KIF19: variants seen among roughly 807,000 people sequenced by gnomAD.
KIF19 encodes kinesin-like protein KIF19.
KIF19 carries 98 observed loss-of-function variants against 106.6 expected under a neutral mutation model. That is an observed-to-expected ratio of 0.92 (90% confidence interval 0.78 to 1.09). The LOEUF (loss-of-function observed/expected upper bound fraction) is 1.09. Ranked by LOEUF, KIF19 falls within the 50% of genes least tolerant of loss-of-function variation. The pLI is 0.00. For missense variants in KIF19, 1,373 were observed against 1,414.3 expected (o/e 0.97, Z 0.47); for synonymous variants, 516 against 584.2 (o/e 0.88, Z 1.68).
intron 4 of KIF19, 124 bp downstream of exon 4, chr17:74,342,841 G>A (rs1173743022): frequency 8.4e-7 from 1 of 1,194,738 alleles, no homozygotes. Flanking sequence ...ATCTCACCCA[G>A]GGCCCTCCAG....
intron 1 of KIF19, among the ~76,000 whole-genome samples, chr17:74,327,147 G>A (rs914883176): frequency 6.6e-6 from 1 of 152,170 alleles, no homozygotes; most frequent in Admixed American, 6.5e-5. Flanking sequence ...TAATTTTTGA[G>A]GTCTGGGGAA....
At chr17:74,342,994 C>A in intron 4 of KIF19, 30 bp from the exon 5 acceptor site, 2 of 1,572,894 alleles carry the variant, frequency 1.3e-6, no homozygotes, top group South Asian at 2.3e-5. Context: ...CAGCCCCACC[C>A]CGGTCACCCT....
Position 74,328,365 on chromosome 17 carries a change from T to C in KIF19, c.40-60T>C, listed in dbSNP as rs2053971305. ...AGAAGCCAGGGGCTTGCTTGAGGTC[T>C]CTCTGAGGCCCAGCATGGTCCTCTC... On this transcript the variant is annotated intron_variant, in intron 1 of 19. Transcript: ENST00000389916. 6.7e-6 allele frequency: 10 copies of C among 1,496,172 alleles called. No individual in the cohort carries two copies. In the East Asian group the frequency reaches 2.4e-4, roughly 36 times the overall value. 92.7% of individuals were successfully genotyped at this position (1,496,172 alleles called of 1,614,324 possible). A position where few individuals can be genotyped will look rare whatever the true frequency, so the allele number is the denominator to read the frequency against.
intron 7 of KIF19, among the ~76,000 whole-genome samples, chr17:74,345,448 G>T (rs549866658): frequency 6.6e-6 from 1 of 152,094 alleles, no homozygotes; most frequent in African/African-American, 2.4e-5. Flanking sequence ...GAAGGTCCCC[G>T]TCACCCATTT....
In KIF19 at chr17:74,354,781, G is replaced by A; in HGVS notation, c.2707-1G>A. ...CTCACCCCACTGTTCAACCATCACAGCTCTCCCACCCCAAGACACACCTCC... is the reference window on the plus strand; with the variant it reads ...CTCACCCCACTGTTCAACCATCACAACTCTCCCACCCCAAGACACACCTCC... On this transcript the variant is annotated splice_acceptor_variant, in intron 18 of 19. Coordinates refer to ENST00000389916, the MANE Select transcript of KIF19 (RefSeq NM_153209.4). LOFTEE classifies it high-confidence loss of function. 1 of 1,554,944 alleles carries A rather than the reference G, an allele frequency of 6.4e-7. No individual in the cohort carries two copies. The highest frequency in any genetic ancestry group is 2.4e-5 in the East Asian group (1 of 41,056).
rs2144253574 is a variant in KIF19 at position 74,343,054 on chromosome 17, C to T, written c.350C>T (p.Thr117Ile). The stretch of plus-strand genomic sequence containing the variant: ...GGGAAAACCTACACCATGCTGGGCA[C>T]AGACCAGGAGCCTGGCATCTATGTT... ...GCGKTYTMLG[T>I]DQEPGIYVQT... Residue 117 changes from threonine (T) to isoleucine (I), a missense_variant, in exon 5 of 20, where the codon ACA becomes ATA. This residue lies in a region of KIF19 where 348 missense variants were observed against 389.5 expected (regional missense o/e 0.89). Coordinates refer to ENST00000389916, the MANE Select transcript of KIF19 (RefSeq NM_153209.4). 2 of 1,612,066 alleles carry T rather than the reference C, an allele frequency of 1.2e-6. No individual in the cohort carries two copies. The highest frequency in any genetic ancestry group is 1.7e-6 in the Non-Finnish European group (2 of 1,179,444).
intron 6 of KIF19, 85 bp downstream of exon 6, chr17:74,344,433 G>A: frequency 6.5e-7 from 1 of 1,539,398 alleles, no homozygotes; most frequent in Non-Finnish European, 8.7e-7. Flanking sequence ...AAGCCAGGGA[G>A]CTGCTCCCCA....
chr17:74,331,026 TAACA>T lies in KIF19; in HGVS notation c.120+2526_120+2529del, dbSNP rs568080933. ...AACTGCCAGGCTGGGACCCTTCTAG[TAACA>T]AACACTGTCCCTCTGACAAATAAAT... On this transcript the variant is annotated intron_variant, in intron 2 of 19. Transcript: ENST00000389916. This position sits in a 1 kb window ranked among gnomAD's most constrained non-coding sequence, Gnocchi z 4.1. Among the ~76,000 whole-genome samples the T allele has an allele frequency of 7.2e-5, 11 of 152,216 alleles. No homozygotes were observed. In the South Asian group the frequency reaches 2.3e-3, roughly 32 times the overall value.
chr17:74,328,586 C>A, intron 2 of KIF19, 81 bp downstream of exon 2: 1 of 1,212,878 alleles, frequency 8.2e-7, no homozygotes, highest in Non-Finnish European at 1.2e-6. Context: ...GCAGAAAGGG[C>A]CCCTGTGGCT....
chr17:74,353,899 A>T (rs761515368), intron 17 of KIF19, among the ~76,000 whole-genome samples: 1 of 152,194 alleles, frequency 6.6e-6, no homozygotes, highest in South Asian at 2.1e-4. Context: ...TATCGATTCA[A>T]TGTCTGCCCC....
At chr17:74,354,687 GTC>G (rs2054826305) in intron 18 of KIF19, 93 bp from the exon 19 acceptor site, 1 of 1,522,306 alleles carries the variant, frequency 6.6e-7, no homozygotes, top group African/African-American at 1.4e-5. Context: ...ACCCTCCACA[GTC>G]TCTGTCCCCA....
chr17:74,344,172 C>T (rs2054461142), intron 5 of KIF19, 51 bp from the exon 6 acceptor site: 2 of 1,571,028 alleles, frequency 1.3e-6, no homozygotes, highest in South Asian at 1.2e-5. Flanking sequence ...TGGCCTTGAC[C>T]TCCTGCCCTT....
intron 2 of KIF19, among the ~76,000 whole-genome samples, chr17:74,336,636 C>G (rs563517555): frequency 1.3e-4 from 20 of 152,310 alleles, no homozygotes; most frequent in African/African-American, 4.8e-4. Flanking sequence ...GGGTACTCCC[C>G]CCAGCCAGGC....
intron 7 of KIF19, among the ~76,000 whole-genome samples, chr17:74,345,165 C>T (rs184174307): frequency 1.3e-5 from 2 of 151,810 alleles, no homozygotes; most frequent in African/African-American, 2.4e-5. Flanking sequence ...TGGAGACCCC[C>T]GGGTTAAGGA....
Position 74,346,243 on chromosome 17 carries a change from G to T in KIF19, c.778-135G>T. 1 of 964,342 alleles carries T rather than the reference G, an allele frequency of 1.0e-6. No homozygotes were observed. The highest frequency in any genetic ancestry group is 1.5e-6 in the Non-Finnish European group (1 of 657,736). 59.7% of individuals were successfully genotyped at this position (964,342 alleles called of 1,614,324 possible). A position where few individuals can be genotyped will look rare whatever the true frequency, so the allele number is the denominator to read the frequency against. On this transcript the variant is annotated intron_variant, in intron 7 of 19. Coordinates refer to ENST00000389916, the MANE Select transcript of KIF19 (RefSeq NM_153209.4). This position sits in a 1 kb window ranked among gnomAD's most constrained non-coding sequence, Gnocchi z 4.6. The stretch of plus-strand genomic sequence containing the variant: ...CTTCTCCAATGCCCTCAGTGGCCTT[G>T]GCAGGAGGACGGCCACAAGGTCCTT...
Position 74,355,210 on chromosome 17 carries a change from T to C in KIF19, c.2895T>C (p.Val965=). The change falls in exon 20 of 20, where the codon GTT becomes GTC. Residue 965 remains valine, a synonymous_variant. Coordinates refer to ENST00000389916, the MANE Select transcript of KIF19 (RefSeq NM_153209.4). ...CGGGGGACTCCTCACCCCTGGCTGTTCCCCCCAACCCAGGTGGTGGTTCTC... is the reference window on the plus strand; with the variant it reads ...CGGGGGACTCCTCACCCCTGGCTGTCCCCCCCAACCCAGGTGGTGGTTCTC... ...TGPGDSSPLA[V]PPNPGGGSRR... 6.2e-7 allele frequency: 1 copy of C among 1,610,416 alleles called. No individual in the cohort carries two copies. Among genetic ancestry groups the C allele is most frequent in the Non-Finnish European group, 8.5e-7 (1 of 1,178,260 alleles).
rs998843073 is a variant in KIF19 at position 74,326,242 on chromosome 17, C to A, written c.-108C>A. ...GTTGGTTTCGGGTTGTCAGGCAGCG[C>A]GCGAGGCGGCGGGCAGCTAGCAGCT... is the stretch of plus-strand genomic sequence containing the variant. On this transcript the variant is annotated 5_prime_UTR_variant, in exon 1 of 20. Transcript: ENST00000389916. The A allele has an allele frequency of 2.2e-4, 229 of 1,036,452 alleles. 1 individual carries two copies. The highest frequency in any genetic ancestry group is 2.1e-3 in the Middle Eastern group (9 of 4,342). 64.2% of individuals were successfully genotyped at this position (1,036,452 alleles called of 1,614,324 possible). A position where few individuals can be genotyped will look rare whatever the true frequency, so the allele number is the denominator to read the frequency against.
At chr17:74,349,101 G>T in intron 9 of KIF19, 83 bp from the exon 10 acceptor site, 1 of 1,442,700 alleles carries the variant, frequency 6.9e-7, no homozygotes, top group East Asian at 2.3e-5. Flanking sequence ...GGGAGGCAGG[G>T]GGAAGAAAGG....
Position 74,343,041 on chromosome 17 carries a change from A to G in KIF19, c.337A>G (p.Thr113Ala), listed in dbSNP as rs575609935. The G allele has an allele frequency of 6.2e-7, 1 of 1,609,480 alleles. No homozygotes were observed. Among genetic ancestry groups the G allele is most frequent in the African/African-American group, 1.3e-5 (1 of 74,870 alleles). The change falls in exon 5 of 20, where the codon ACC becomes GCC. Residue 113 changes from threonine to alanine, a missense_variant. Physicochemically the swap from Thr to Ala is moderately conservative, Grantham distance 58. Around this residue, in one of 3 missense-constraint regions of KIF19, gnomAD observed 348 missense variants for 389.5 expected, o/e 0.89. Transcript: ENST00000389916. ...TGCCCCAGGCTGTGGGAAAACCTAC[A>G]CCATGCTGGGCACAGACCAGGAGCC... ...YGPTGCGKTY[T>A]MLGTDQEPGI...
Sources: allele counts gnomAD v4.1 joint callset (sites outside exome capture counted in the v4.1 genomes callset), GRCh38; gene constraint gnomAD v4.1.1; regional missense constraint gnomAD v4.1.1; non-coding constraint Gnocchi (gnomAD v3.1); transcripts MANE v1.5; gene names NCBI Gene and HGNC (gene_info 2026-07-23, HGNC 2026-07-21).